The following S100PBP variants were observed in gnomAD, a reference collection of about 807,000 sequenced individuals.
S100PBP encodes S100P-binding protein.
Under a neutral mutation model 39.9 loss-of-function variants are expected in S100PBP, and 15 were observed. The observed-to-expected ratio is 0.38, with a 90% CI of 0.25 to 0.58. The LOEUF (loss-of-function observed/expected upper bound fraction) is 0.58, where lower values mean the gene tolerates loss of function less well. S100PBP is among the 20% of genes least tolerant of loss of function. The pLI is 0.70. For synonymous variants in S100PBP, 178 were observed against 180.3 expected (o/e 0.99, Z 0.10); for missense variants, 504 against 487.3 (o/e 1.03, Z -0.32).
At chr1:32,816,836 T>C (rs1194175203), upstream of S100PBP, 11 of 440,680 alleles carry the variant, frequency 2.5e-5, no homozygotes, top group Non-Finnish European at 3.8e-5. Flanking sequence ...GGGTCATTTT[T>C]AACGTCTGAT....
At chr1:32,819,171 G>A (rs1638921117) in intron 1 of S100PBP, among the ~76,000 whole-genome samples, 1 of 152,184 alleles carries the variant, frequency 6.6e-6, no homozygotes, top group Non-Finnish European at 1.5e-5. Context: ...GGGTGGACAG[G>A]TGAGAGAGAT....
intron 6 of S100PBP, 119 bp from the exon 7 acceptor site, chr1:32,855,805 A>T: frequency 1.7e-6 from 1 of 588,112 alleles, no homozygotes; most frequent in Non-Finnish European, 3.0e-6. Flanking sequence ...ATATAAAATT[A>T]ATATCTGATT....
intron 5 of S100PBP, among the ~76,000 whole-genome samples, chr1:32,841,752 A>G: frequency 6.7e-6 from 1 of 150,270 alleles, no homozygotes; most frequent in South Asian, 2.1e-4. Flanking sequence ...AAAAAAAAAA[A>G]ATTACGGATT....
chr1:32,826,999 C>G, intron 3 of S100PBP, 69 bp downstream of exon 3: 1 of 1,047,472 alleles, frequency 9.5e-7, no homozygotes, highest in Non-Finnish European at 1.4e-6. Context: ...AGCAGAGTTT[C>G]CATATACCTG....
At chr1:32,847,320 T>C (rs1640423452) in intron 5 of S100PBP, 1 of 152,180 alleles carries the variant, frequency 6.6e-6, no homozygotes, top group East Asian at 1.9e-4. Context: ...TAAAAAACTT[T>C]TTATTTTGAA....
chr1:32,833,042 C>T (rs1639669192), intron 5 of S100PBP, among the ~76,000 whole-genome samples: 1 of 151,822 alleles, frequency 6.6e-6, no homozygotes, highest in Admixed American at 6.6e-5. Context: ...TTCTGGTATC[C>T]CTGCAAATGG....
intron 3 of S100PBP, among the ~76,000 whole-genome samples, chr1:32,827,783 GTTTTT>G (rs35149609): frequency 7.7e-6 from 1 of 130,426 alleles, no homozygotes. Flanking sequence ...ACCTGGCCAG[GTTTTT>G]TTTTTTTTTT....
At chr1:32,820,085 G>A (rs1205429992) in intron 1 of S100PBP, among the ~76,000 whole-genome samples, 1 of 151,146 alleles carries the variant, frequency 6.6e-6, no homozygotes, top group African/African-American at 2.4e-5. Flanking sequence ...ATAATTTCAA[G>A]CAGGGTCTAG....
chr1:32,838,739 A>C (rs1639958466), intron 5 of S100PBP, among the ~76,000 whole-genome samples: 1 of 151,942 alleles, frequency 6.6e-6, no homozygotes, highest in Non-Finnish European at 1.5e-5. Context: ...GCTACTCTGG[A>C]GGCTGAGGCA....
At chr1:32,858,877 A>C (rs1640910459), downstream of S100PBP, 1 of 152,056 alleles carries the variant, frequency 6.6e-6, no homozygotes, top group Non-Finnish European at 1.5e-5. Context: ...TGTCAGTGAC[A>C]TATGTACTGT....
rs771602415 is a variant in S100PBP at position 32,846,357 on chromosome 1, C to CTT, written c.1025-6708_1025-6707dup. On this transcript the variant is annotated intron_variant, in intron 5 of 6. Transcript: ENST00000373475. ...GCATATAATTGGTAGCTGGGTCTTG[C>CTT]TTTTTTTTTTTTTTTCCAGTCTCAC... Among the ~76,000 whole-genome samples, 1,316 of 136,518 alleles carry CTT rather than the reference C, an allele frequency of 9.6e-3. 23 individuals are homozygous for CTT. The highest frequency in any genetic ancestry group is 0.033 in the African/African-American group (1,241 of 37,544). 89.6% of individuals were successfully genotyped at this position (136,518 alleles called of 152,430 possible). A position where few individuals can be genotyped will look rare whatever the true frequency, so the allele number is the denominator to read the frequency against.
At chr1:32,840,735 T>C (rs967430210) in intron 5 of S100PBP, among the ~76,000 whole-genome samples, 3 of 152,208 alleles carry the variant, frequency 2.0e-5, no homozygotes, top group Non-Finnish European at 2.9e-5. Flanking sequence ...TTCTAATATA[T>C]GTGTAGTGAT....
At chr1:32,845,698 T>A (rs1569930129) in intron 5 of S100PBP, among the ~76,000 whole-genome samples, 1 of 149,844 alleles carries the variant, frequency 6.7e-6, no homozygotes. Context: ...TTTTTTTTTT[T>A]AAGATAAAGC....
chr1:32,842,692 T>A (rs1459558468), intron 5 of S100PBP: 5 of 151,936 alleles, frequency 3.3e-5, no homozygotes, highest in African/African-American at 1.2e-4. Context: ...CCTCCGAGAT[T>A]CAAGCAATTC....
Position 32,826,179 on chromosome 1 carries a change from A to G in S100PBP, c.80A>G (p.Asp27Gly), listed in dbSNP as rs1205694311. 6.2e-7 allele frequency: 1 copy of G among 1,614,044 alleles called. No homozygotes were observed. Among genetic ancestry groups the G allele is most frequent in the East Asian group, 2.2e-5 (1 of 44,902 alleles). The stretch of plus-strand genomic sequence containing the variant: ...AAAGACGGTGCCCCATTTTCTTGGG[A>G]TTCCTTGGATGAGGATGGATTGGAT... ...LPKDGAPFSWDSLDEDGLDDS... is the reference protein window; with the variant it reads ...LPKDGAPFSWGSLDEDGLDDS... The change falls in exon 3 of 7, where the codon GAT (aspartate) becomes GGT (glycine). Residue 27 changes from aspartate to glycine, a missense_variant. Coordinates refer to ENST00000373475, the MANE Select transcript of S100PBP (RefSeq NM_022753.4).
chr1:32,851,211 TA>T (rs1252169582), intron 5 of S100PBP, among the ~76,000 whole-genome samples: 8 of 152,170 alleles, frequency 5.3e-5, no homozygotes, highest in African/African-American at 1.9e-4. Flanking sequence ...TCAAATAAAT[TA>T]CATTTATCCT....
At chr1:32,829,670 A>G (rs1025676229) in intron 4 of S100PBP, among the ~76,000 whole-genome samples, 11 of 152,090 alleles carry the variant, frequency 7.2e-5, no homozygotes, top group Non-Finnish European at 5.9e-5. Context: ...TGTTGCCCTG[A>G]CTGGTCTCAA....
chr1:32,841,030 G>A (rs1183766945), intron 5 of S100PBP, among the ~76,000 whole-genome samples: 1 of 151,768 alleles, frequency 6.6e-6, no homozygotes, highest in Non-Finnish European at 1.5e-5. Flanking sequence ...GCATGGTGGC[G>A]GGTGCCTGTA....
chr1:32,817,393 T>G, upstream of S100PBP: 1 of 963,828 alleles, frequency 1.0e-6, no homozygotes, highest in Non-Finnish European at 1.6e-6. Context: ...CCTGGACCCC[T>G]CCGGCAGCGG....
Sources: gnomAD v4.1 joint callset for allele counts (sites outside exome capture counted in the v4.1 genomes callset) on GRCh38, gnomAD v4.1.1 for gene constraint, MANE v1.5 for transcripts, NCBI Gene and HGNC (gene_info 2026-07-23, HGNC 2026-07-21) for gene names.